The following RPS6KA3 variants were observed in gnomAD, a reference collection of about 807,000 sequenced individuals.
RPS6KA3 encodes ribosomal protein S6 kinase A3.
A neutral mutation model predicts 67.2 loss-of-function variants in RPS6KA3; 4 were observed. That is an observed-to-expected ratio of 0.06 (90% confidence interval 0.03 to 0.14). RPS6KA3 has a LOEUF of 0.14. Among genes scored for constraint, RPS6KA3 ranks in the 10% least tolerant of loss-of-function variants. The pLI is 1.00. For missense variants in RPS6KA3, 204 were observed against 559.0 expected (o/e 0.36, Z 6.40); for synonymous variants, 182 against 183.7 (o/e 0.99, Z 0.07).
intron 7 of RPS6KA3, among the ~76,000 whole-genome samples, chrX:20,193,171 G>T: frequency 9.0e-6 from 1 of 111,148 alleles, no homozygotes; most frequent in Non-Finnish European, 1.9e-5. Context: ...CCAGCTACTC[G>T]GGAGGCTAAG....
intron 1 of RPS6KA3, among the ~76,000 whole-genome samples, chrX:20,257,731 G>A (rs1217153762): frequency 1.8e-5 from 2 of 111,860 alleles, no homozygotes; most frequent in African/African-American, 6.5e-5. Context: ...TAATATAGAA[G>A]ATAATTGTAT....
chrX:20,248,148 G>A (rs60673839), intron 1 of RPS6KA3, among the ~76,000 whole-genome samples: 3,313 of 111,847 alleles, frequency 0.03, 115 homozygotes, highest in African/African-American at 0.097. Flanking sequence ...ACCTTAGTAG[G>A]CTATCATTTG....
chrX:20,193,492 T>C lies in RPS6KA3; in HGVS notation c.588A>G (p.Pro196=). 9.1e-7 allele frequency: 1 copy of C among 1,095,755 alleles called. No homozygotes were observed. Among genetic ancestry groups the C allele is most frequent in the Non-Finnish European group, 1.3e-6 (1 of 790,201 alleles). The allele number at this position is 1,095,755 out of a possible 1,213,427, so 90.3% of individuals were successfully genotyped here. A position where few individuals can be genotyped will look rare whatever the true frequency, so the allele number is the denominator to read the frequency against. Residue 196 remains proline, a synonymous_variant, in exon 7 of 22, where the codon CCA becomes CCG. Transcript: ENST00000379565. ...SLGIIYRDLK[P]ENILLDEEGH... The stretch of plus-strand genomic sequence containing the variant: ...TTAGTAGCATGATTCCTTACTTTTC[T>C]GGTTTTAAGTCTCTATAAATTATTC...
chrX:20,225,255 GTTT>G (rs1171338918), intron 2 of RPS6KA3, among the ~76,000 whole-genome samples: 3 of 69,692 alleles, frequency 4.3e-5, no homozygotes, highest in African/African-American at 1.5e-4. Context: ...TTTTTTTTTT[GTTT>G]TTTTTTTTTT....
chrX:20,194,376 A>T, intron 5 of RPS6KA3, 108 bp from the exon 6 acceptor site: 1 of 505,644 alleles, frequency 2.0e-6, no homozygotes, highest in Non-Finnish European at 3.4e-6. Flanking sequence ...TCAAATGTCC[A>T]AACTTACTTT....
At chrX:20,174,347 CTT>C (rs746491012) in intron 14 of RPS6KA3, among the ~76,000 whole-genome samples, 16 of 91,417 alleles carry the variant, frequency 1.8e-4, no homozygotes, top group Admixed American at 3.7e-4. Context: ...ATTCTACTTT[CTT>C]TTTTTTTTTT....
chrX:20,231,096 C>T (rs1246223009), intron 2 of RPS6KA3, among the ~76,000 whole-genome samples: 5 of 110,248 alleles, frequency 4.5e-5, no homozygotes, highest in Non-Finnish European at 7.6e-5. Context: ...GTAGCTGGGA[C>T]CACAGCATAT....
chrX:20,266,877 G>A lies in RPS6KA3; in HGVS notation c.-245C>T. The A allele has an allele frequency of 2.0e-6, 1 of 492,245 alleles. No individual in the cohort carries two copies. Among genetic ancestry groups the A allele is most frequent in the Non-Finnish European group, 2.5e-6 (1 of 399,409 alleles). 40.6% of individuals were successfully genotyped at this position (492,245 alleles called of 1,213,427 possible). On this transcript the variant is annotated 5_prime_UTR_variant, in exon 1 of 22. Transcript: ENST00000379565. ...CCCGCGCGCTGAGCGAGAGCCTCGC[G>A]CCTCCGCTGGGCACCGGGTCTCGCC...
intron 4 of RPS6KA3, among the ~76,000 whole-genome samples, chrX:20,198,783 T>C: frequency 8.9e-6 from 1 of 112,557 alleles, no homozygotes; most frequent in East Asian, 2.8e-4. Flanking sequence ...TAAATTTTAA[T>C]AGTAGGGACA....
intron 2 of RPS6KA3, among the ~76,000 whole-genome samples, chrX:20,228,568 TTC>T (rs1241691289): frequency 1.8e-5 from 2 of 111,244 alleles, no homozygotes; most frequent in African/African-American, 6.5e-5. Context: ...GTGAAATATC[TTC>T]TGTCTCCAGA....
chrX:20,246,174 T>C (rs751823203), intron 1 of RPS6KA3, among the ~76,000 whole-genome samples: 1 of 108,313 alleles, frequency 9.2e-6, no homozygotes, highest in East Asian at 2.9e-4. Flanking sequence ...TCATGAGCTC[T>C]GGAGCCTGAT....
chrX:20,231,655 G>A (rs1461737199), intron 2 of RPS6KA3, among the ~76,000 whole-genome samples: 2 of 112,126 alleles, frequency 1.8e-5, no homozygotes, highest in African/African-American at 6.5e-5. Context: ...CGGTAACGGT[G>A]AATGTGACCT....
chrX:20,167,899 G>A, intron 16 of RPS6KA3, 152 bp from the exon 17 acceptor site: 1 of 459,934 alleles, frequency 2.2e-6, no homozygotes. Context: ...TCGCCCAGGA[G>A]TGCACTGGCA....
rs1569179731 is a variant in RPS6KA3, at chrX:20,150,947, G to C, written c.*4451C>G. On this transcript the variant is annotated 3_prime_UTR_variant, in exon 22 of 22. Coordinates refer to ENST00000379565, the MANE Select transcript of RPS6KA3 (RefSeq NM_004586.3). ...CAAGATTATATGGCAAAATAATGAG[G>C]AAAGTGCCTTAAGAGGTAGGAAGTA... 8.9e-6 allele frequency: 1 copy of C among 112,512 alleles called. No individual in the cohort carries two copies. Among genetic ancestry groups the C allele is most frequent in the Non-Finnish European group, 1.9e-5 (1 of 53,254 alleles). The allele number at this position is 112,512 out of a possible 1,213,427, so 9.3% of individuals were successfully genotyped here.
intron 1 of RPS6KA3, among the ~76,000 whole-genome samples, chrX:20,242,631 G>A (rs986801451): frequency 1.3e-4 from 14 of 111,432 alleles, no homozygotes; most frequent in South Asian, 3.7e-4. Context: ...ATAATATGAC[G>A]GAAACCATTC....
chrX:20,237,339 A>AC (rs1198442641), intron 1 of RPS6KA3, among the ~76,000 whole-genome samples: 3 of 111,549 alleles, frequency 2.7e-5, no homozygotes, highest in Non-Finnish European at 5.7e-5. Context: ...GGCGTTTAGA[A>AC]CCCTCAGTCT....
chrX:20,249,394 C>T (rs1379281441), intron 1 of RPS6KA3, among the ~76,000 whole-genome samples: 1 of 111,833 alleles, frequency 8.9e-6, no homozygotes, highest in East Asian at 2.8e-4. Context: ...AACTATTTTC[C>T]TGAGGGGCTG....
chrX:20,169,683 G>A (rs952195147), intron 15 of RPS6KA3, 192 bp from the exon 16 acceptor site: 2 of 485,385 alleles, frequency 4.1e-6, no homozygotes, highest in Non-Finnish European at 7.4e-6. Context: ...TGGCAAGGCT[G>A]TAAATTCTAA....
chrX:20,199,881 G>C (rs1479991300), intron 4 of RPS6KA3, among the ~76,000 whole-genome samples: 1 of 112,181 alleles, frequency 8.9e-6, no homozygotes, highest in Non-Finnish European at 1.9e-5. Flanking sequence ...ATATCTGGTA[G>C]AAAATTCTTT....
Sources: allele counts gnomAD v4.1 joint callset (sites outside exome capture counted in the v4.1 genomes callset), GRCh38; gene constraint gnomAD v4.1.1; transcripts MANE v1.5; gene names NCBI Gene and HGNC (gene_info 2026-07-23, HGNC 2026-07-21).